Variants in CNTN5 observed in about 807,000 individuals in gnomAD.
CNTN5 encodes the protein contactin-5.
A neutral mutation model predicts 129.1 loss-of-function variants in CNTN5; 77 were observed. The ratio of observed to expected loss-of-function variants is 0.60; its 90% CI spans 0.50 to 0.72. The LOEUF (loss-of-function observed/expected upper bound fraction) is 0.72. Ranked by LOEUF, CNTN5 falls within the 30% of genes least tolerant of loss-of-function variation. The probability of loss-of-function intolerance (pLI) is 0.00; values close to 1 mark genes in which losing one functional copy is unlikely to be tolerated. For synonymous variants in CNTN5, 509 were observed against 465.6 expected, an observed-to-expected ratio of 1.09 and a Z score of -1.20; for missense variants, 1,478 against 1,328.8, an observed-to-expected ratio of 1.11 and a Z score of -1.75.
intron 3 of CNTN5, among the ~76,000 whole-genome samples, chr11:99,774,022 C>T (rs1945034837): frequency 6.6e-6 from 1 of 152,114 alleles, no homozygotes; most frequent in Non-Finnish European, 1.5e-5. Flanking sequence ...AAACCCCACT[C>T]TGATTCTTCC....
At chr11:99,677,123 A>G (rs536370341) in intron 3 of CNTN5, among the ~76,000 whole-genome samples, 1 of 152,306 alleles carries the variant, frequency 6.6e-6, no homozygotes, top group African/African-American at 2.4e-5. Context: ...TTCTGATGTT[A>G]CACAACAATA....
At chr11:99,787,768 T>C (rs1945588262) in intron 3 of CNTN5, among the ~76,000 whole-genome samples, 1 of 152,048 alleles carries the variant, frequency 6.6e-6, no homozygotes, top group African/African-American at 2.4e-5. Context: ...ACATGTGCTA[T>C]ACATATAATT....
intron 6 of CNTN5, among the ~76,000 whole-genome samples, chr11:99,850,736 C>T (rs1804952512): frequency 6.6e-6 from 1 of 151,742 alleles, no homozygotes; most frequent in African/African-American, 2.4e-5. Flanking sequence ...TAAAGTGAAA[C>T]AAATATTTCC....
At chr11:100,318,727 G>A (rs957068709) in intron 21 of CNTN5, among the ~76,000 whole-genome samples, 4 of 152,152 alleles carry the variant, frequency 2.6e-5, no homozygotes, top group African/African-American at 9.7e-5. Flanking sequence ...TGATAGAGGA[G>A]TACTAAATCT....
At chr11:99,376,934 G>T (rs1243323938) in intron 2 of CNTN5, among the ~76,000 whole-genome samples, 1 of 152,130 alleles carries the variant, frequency 6.6e-6, no homozygotes, top group Admixed American at 6.6e-5. Flanking sequence ...CTTTTTGCAG[G>T]AAGAGAGACA....
At chr11:100,190,352 G>A (rs959213992) in intron 13 of CNTN5, among the ~76,000 whole-genome samples, 1 of 152,156 alleles carries the variant, frequency 6.6e-6, no homozygotes, top group Non-Finnish European at 1.5e-5. Context: ...GAGCATAGAA[G>A]GGAGAAAAGG....
At chr11:99,057,249 T>C (rs908366416) in intron 1 of CNTN5, among the ~76,000 whole-genome samples, 2 of 152,100 alleles carry the variant, frequency 1.3e-5, no homozygotes, top group East Asian at 1.9e-4. Context: ...CATTTATCTC[T>C]TCTTCCAATG....
intron 1 of CNTN5, among the ~76,000 whole-genome samples, chr11:99,044,044 A>G (rs1193803091): frequency 6.6e-6 from 1 of 152,204 alleles, no homozygotes; most frequent in Non-Finnish European, 1.5e-5. Flanking sequence ...TAATTTAACA[A>G]TATGCACTGC....
chr11:99,209,091 T>C (rs1859632877), intron 1 of CNTN5, among the ~76,000 whole-genome samples: 1 of 152,130 alleles, frequency 6.6e-6, no homozygotes, highest in Non-Finnish European at 1.5e-5. Flanking sequence ...AACCTTATTT[T>C]GCTGTGAATT....
intron 1 of CNTN5, among the ~76,000 whole-genome samples, chr11:99,322,793 G>T (rs75544060): frequency 0.019 from 2,947 of 152,170 alleles, 84 homozygotes; most frequent in African/African-American, 0.066. Context: ...AGGGAGTTAT[G>T]ATTGTAAAAA....
intron 7 of CNTN5, among the ~76,000 whole-genome samples, chr11:99,928,931 T>C (rs2136066595): frequency 6.6e-6 from 1 of 152,312 alleles, no homozygotes; most frequent in African/African-American, 2.4e-5. Flanking sequence ...CCAAACCTTA[T>C]CTTTATGAAT....
intron 18 of CNTN5, among the ~76,000 whole-genome samples, chr11:100,280,521 A>C (rs1203571441): frequency 6.6e-6 from 1 of 151,904 alleles, no homozygotes; most frequent in Non-Finnish European, 1.5e-5. Flanking sequence ...TGTGATTTCC[A>C]CTGGCATGAA....
intron 1 of CNTN5, among the ~76,000 whole-genome samples, chr11:99,121,636 A>G (rs1208530569): frequency 6.6e-6 from 1 of 152,194 alleles, no homozygotes; most frequent in African/African-American, 2.4e-5. Context: ...CGATTTGGCA[A>G]CTTTTTAAAG....
At chr11:99,853,184 A>G (rs989373274) in intron 6 of CNTN5, among the ~76,000 whole-genome samples, 2 of 152,144 alleles carry the variant, frequency 1.3e-5, no homozygotes, top group Non-Finnish European at 2.9e-5. Context: ...GATCTTGCAG[A>G]CTTAATTACA....
chr11:99,678,673 G>A (rs965673261), intron 3 of CNTN5, among the ~76,000 whole-genome samples: 2 of 152,106 alleles, frequency 1.3e-5, no homozygotes, highest in Admixed American at 6.6e-5. Context: ...AATGGGAGAG[G>A]ATAGTGAAAA....
At chr11:99,446,045 C>T (rs1463320178) in intron 2 of CNTN5, among the ~76,000 whole-genome samples, 4 of 147,700 alleles carry the variant, frequency 2.7e-5, no homozygotes, top group East Asian at 2.1e-4. Flanking sequence ...GGTCGCACCA[C>T]GGCACTCCAG....
At chr11:99,066,490 A>C (rs1865109029) in intron 1 of CNTN5, among the ~76,000 whole-genome samples, 1 of 152,172 alleles carries the variant, frequency 6.6e-6, no homozygotes, top group Admixed American at 6.5e-5. Context: ...CAAAATTAAG[A>C]TCAACAAATT....
chr11:99,355,828 T>TTG (rs1422490528), intron 2 of CNTN5, among the ~76,000 whole-genome samples: 73 of 149,980 alleles, frequency 4.9e-4, no homozygotes, highest in African/African-American at 1.6e-3. Context: ...TTTGTTTTTT[T>TTG]TTTTTTTGTT....
chr11:99,690,674 T>C (rs184576641), intron 3 of CNTN5, among the ~76,000 whole-genome samples: 1 of 152,166 alleles, frequency 6.6e-6, no homozygotes, highest in African/African-American at 2.4e-5. Context: ...GTAGTTCTCC[T>C]TGAAGAGGTC....
Sources: allele counts gnomAD v4.1 joint callset (sites outside exome capture counted in the v4.1 genomes callset), GRCh38; gene constraint gnomAD v4.1.1; transcripts MANE v1.5; gene names NCBI Gene and HGNC (gene_info 2026-07-23, HGNC 2026-07-21).